The following UIMC1 variants were observed in gnomAD, a reference collection of about 807,000 sequenced individuals.
UIMC1 encodes BRCA1-A complex subunit RAP80.
UIMC1 carries 42 observed loss-of-function variants against 84.9 expected under a neutral mutation model. That is an observed-to-expected ratio of 0.49 (90% CI 0.39 to 0.64). The LOEUF (loss-of-function observed/expected upper bound fraction) is 0.64, where lower values mean the gene tolerates loss of function less well. Among genes scored for constraint, UIMC1 ranks in the 30% least tolerant of loss-of-function variants. The pLI is 0.00. For synonymous variants in UIMC1, 281 were observed against 293.0 expected, an observed-to-expected ratio of 0.96 and a Z score of 0.42; for missense variants, 825 against 847.6, an observed-to-expected ratio of 0.97 and a Z score of 0.33.
At chr5:176,960,511 T>C (rs1355741719) in intron 6 of UIMC1, among the ~76,000 whole-genome samples, 1 of 152,080 alleles carries the variant, frequency 6.6e-6, no homozygotes, top group Non-Finnish European at 1.5e-5. Context: ...AGCTATGGCC[T>C]AATCAAGACA....
Position 176,959,673 on chromosome 5 carries a change from G to A in UIMC1, c.1201-1519C>T, listed in dbSNP as rs1420093210. Among the ~76,000 whole-genome samples, 4 of 138,170 alleles carry A rather than the reference G, an allele frequency of 2.9e-5. No individual in the cohort carries two copies. The East Asian group carries it at 6.4e-4, about 22-fold the overall frequency. 90.6% of individuals were successfully genotyped at this position (138,170 alleles called of 152,430 possible). ...GGAGCTTGCAGTGAGCCGAGATCCCGCCACTGCACTCCAGCCTGGGCGACA... is the reference window on the plus strand; with the variant it reads ...GGAGCTTGCAGTGAGCCGAGATCCCACCACTGCACTCCAGCCTGGGCGACA... On this transcript the variant is annotated intron_variant, in intron 6 of 14. Transcript: ENST00000511320.
chr5:176,997,553 C>T (rs1044720966), intron 1 of UIMC1, among the ~76,000 whole-genome samples: 2 of 151,908 alleles, frequency 1.3e-5, no homozygotes, highest in South Asian at 2.1e-4. Flanking sequence ...GGCGTGGTGG[C>T]GGGCCCCTGT....
intron 10 of UIMC1, among the ~76,000 whole-genome samples, chr5:176,919,980 G>C (rs1181332777): frequency 1.3e-5 from 2 of 152,006 alleles, no homozygotes; most frequent in African/African-American, 4.8e-5. Context: ...GGACCAACTT[G>C]TCAATTTACA....
intron 1 of UIMC1, among the ~76,000 whole-genome samples, chr5:176,997,368 C>T (rs1773755985): frequency 6.6e-6 from 1 of 152,036 alleles, no homozygotes; most frequent in South Asian, 2.1e-4. Context: ...TTTTCAACTG[C>T]AAATCTTAAA....
intron 6 of UIMC1, among the ~76,000 whole-genome samples, chr5:176,963,399 T>C (rs938462559): frequency 7.2e-5 from 11 of 151,790 alleles, no homozygotes; most frequent in African/African-American, 1.9e-4. Flanking sequence ...TGCATGCCTG[T>C]GACCCCAGCT....
At chr5:176,944,410 G>A (rs1581476081) in intron 9 of UIMC1, among the ~76,000 whole-genome samples, 1 of 152,300 alleles carries the variant, frequency 6.6e-6, no homozygotes, top group East Asian at 1.9e-4. Context: ...AGGTTGATCA[G>A]AGCCAAGAAC....
chr5:176,907,924 C>T (rs1457884537), intron 12 of UIMC1, among the ~76,000 whole-genome samples: 1 of 152,126 alleles, frequency 6.6e-6, no homozygotes, highest in Non-Finnish European at 1.5e-5. Context: ...GTTTTAAATA[C>T]AATCTTGTAA....
intron 1 of UIMC1, among the ~76,000 whole-genome samples, chr5:176,996,249 A>C (rs1340077186): frequency 6.6e-6 from 1 of 152,204 alleles, no homozygotes; most frequent in Non-Finnish European, 1.5e-5. Context: ...TCAACAGTTA[A>C]AGGAAAACAG....
At chr5:176,994,831 A>T (rs898909041) in intron 1 of UIMC1, among the ~76,000 whole-genome samples, 1 of 152,202 alleles carries the variant, frequency 6.6e-6, no homozygotes, top group Non-Finnish European at 1.5e-5. Context: ...ACGCAGGCAT[A>T]GCTTGTGATC....
chr5:176,986,275 A>G (rs1217681216), intron 1 of UIMC1, among the ~76,000 whole-genome samples: 1 of 143,140 alleles, frequency 7.0e-6, no homozygotes, highest in Non-Finnish European at 1.5e-5. Flanking sequence ...CAGGAGAATC[A>G]CTTGAACTCA....
At chr5:176,912,841 T>C (rs1760431549) in intron 10 of UIMC1, among the ~76,000 whole-genome samples, 3 of 152,266 alleles carry the variant, frequency 2.0e-5, no homozygotes, top group Middle Eastern at 6.8e-3. Flanking sequence ...TAATTTTTTG[T>C]ATTTTTATTA....
At chr5:176,964,715 A>G (rs1269200415) in intron 6 of UIMC1, among the ~76,000 whole-genome samples, 1 of 152,214 alleles carries the variant, frequency 6.6e-6, no homozygotes, top group Non-Finnish European at 1.5e-5. Flanking sequence ...ATTTTTTAAC[A>G]TCTCCAAGTG....
chr5:176,987,640 G>C (rs1170592962), intron 1 of UIMC1, among the ~76,000 whole-genome samples: 1 of 152,018 alleles, frequency 6.6e-6, no homozygotes. Context: ...GACAGAGTGG[G>C]ACCCTGTCTC....
At chr5:177,016,419 C>T (rs1002205761) in intron 1 of UIMC1, among the ~76,000 whole-genome samples, 1 of 152,078 alleles carries the variant, frequency 6.6e-6, no homozygotes, top group Non-Finnish European at 1.5e-5. Flanking sequence ...AGGCTGGGCA[C>T]GGTGGCTCAT....
chr5:176,912,869 T>C (rs1271047100), intron 10 of UIMC1, among the ~76,000 whole-genome samples: 2 of 152,170 alleles, frequency 1.3e-5, no homozygotes, highest in Non-Finnish European at 2.9e-5. Flanking sequence ...GGTTTCACAA[T>C]GTTAGCCAGG....
chr5:176,952,596 C>T (rs772218579), intron 8 of UIMC1, among the ~76,000 whole-genome samples: 4 of 152,356 alleles, frequency 2.6e-5, no homozygotes, highest in African/African-American at 4.8e-5. Flanking sequence ...ACAGACTATA[C>T]GGCCCACAGG....
chr5:176,906,594 T>C (rs1287269836), intron 13 of UIMC1, among the ~76,000 whole-genome samples: 1 of 152,230 alleles, frequency 6.6e-6, no homozygotes, highest in Non-Finnish European at 1.5e-5. Flanking sequence ...GGAATATGTT[T>C]GGAGCTTTAC....
intron 2 of UIMC1, among the ~76,000 whole-genome samples, chr5:176,977,591 AAAAAAAG>A (rs1182714226): frequency 7.4e-5 from 11 of 147,748 alleles, no homozygotes; most frequent in Admixed American, 2.7e-4. Flanking sequence ...TCAAAAAAAA[AAAAAAAG>A]AAAAGAAAAA....
chr5:176,923,872 A>ATAT (rs1188314473), intron 10 of UIMC1, among the ~76,000 whole-genome samples: 1 of 118,014 alleles, frequency 8.5e-6, no homozygotes, highest in East Asian at 2.7e-4. Flanking sequence ...TCAAAAAAAA[A>ATAT]AAATATATAT....
Sources: gnomAD v4.1 joint callset for allele counts (sites outside exome capture counted in the v4.1 genomes callset) on GRCh38, gnomAD v4.1.1 for gene constraint, MANE v1.5 for transcripts, NCBI Gene and HGNC (gene_info 2026-07-23, HGNC 2026-07-21) for gene names.